The following SETD2 variants were observed in gnomAD, a reference collection of about 807,000 sequenced individuals.
SETD2 encodes the protein histone-lysine N-methyltransferase SETD2.
A neutral mutation model predicts 242.1 loss-of-function variants in SETD2; 31 were observed. The observed-to-expected ratio is 0.13, with a 90% CI of 0.10 to 0.17. The LOEUF (loss-of-function observed/expected upper bound fraction) is 0.17, where lower values mean the gene tolerates loss of function less well. Among genes scored for constraint, SETD2 ranks in the 10% least tolerant of loss-of-function variants. SETD2 has a pLI of 1.00. For synonymous variants in SETD2, 1,006 were observed against 1,066.5 expected (o/e 0.94, Z 1.11); for missense variants, 2,481 against 3,046.3 (o/e 0.81, Z 4.37).
chr3:47,020,383 G>A (rs1295653945), intron 18 of SETD2, among the ~76,000 whole-genome samples: 1 of 152,148 alleles, frequency 6.6e-6, no homozygotes, highest in African/African-American at 2.4e-5. Flanking sequence ...GAAGTATCAC[G>A]ATATTGACGG....
intron 9 of SETD2, among the ~76,000 whole-genome samples, chr3:47,095,592 A>G (rs1269413704): frequency 6.6e-6 from 1 of 152,204 alleles, no homozygotes; most frequent in Non-Finnish European, 1.5e-5. Context: ...GAAGAAAGCT[A>G]ACAGACTAGG....
At chr3:47,069,006 A>G (rs1405357454) in intron 12 of SETD2, among the ~76,000 whole-genome samples, 4 of 140,642 alleles carry the variant, frequency 2.8e-5, no homozygotes, top group East Asian at 2.2e-4. Context: ...TGTTGGCCAG[A>G]CTGGTCTCGA....
intron 1 of SETD2, among the ~76,000 whole-genome samples, chr3:47,146,543 G>A (rs7626161): frequency 1.3e-5 from 2 of 149,898 alleles, no homozygotes; most frequent in African/African-American, 2.5e-5. Context: ...CAGGAGAATC[G>A]CTTGAATCCA....
In SETD2 at chr3:47,120,178, T is replaced by G; in HGVS notation, c.4454+4A>C. On this transcript the variant is annotated splice_donor_region_variant and intron_variant, in intron 3 of 20. Transcript: ENST00000409792. ...TTTGTCAAACAAGTATTAATTAGAC[T>G]TACCTTTCTGTTAAATAAACATTTT... The G allele has an allele frequency of 6.6e-7, 1 of 1,521,124 alleles. No homozygotes were observed. Among genetic ancestry groups the G allele is most frequent in the East Asian group, 2.3e-5 (1 of 44,126 alleles). The allele number at this position is 1,521,124 out of a possible 1,614,324, so 94.2% of individuals were successfully genotyped here. A position where few individuals can be genotyped will look rare whatever the true frequency, so the allele number is the denominator to read the frequency against.
At chr3:47,142,857 T>G (rs1253858674) in intron 1 of SETD2, among the ~76,000 whole-genome samples, 1 of 152,062 alleles carries the variant, frequency 6.6e-6, no homozygotes, top group Non-Finnish European at 1.5e-5. Context: ...TTAGCAGAGA[T>G]GGGGTTTCAC....
rs2039345942 is a variant in SETD2, at chr3:47,042,838, G to A, written c.7099-138C>T. On this transcript the variant is annotated intron_variant, in intron 16 of 20. Coordinates refer to ENST00000409792, the MANE Select transcript of SETD2 (RefSeq NM_014159.7). ...AAAGGATAAAGGAAAGGTACAGTCT[G>A]GGAAATAAGGGACAGTATATATAAA... 4 of 761,984 alleles carry A rather than the reference G, an allele frequency of 5.2e-6. No individual in the cohort carries two copies. In the East Asian group the frequency reaches 7.9e-5, roughly 15 times the overall value. The allele number at this position is 761,984 out of a possible 1,614,324, so 47.2% of individuals were successfully genotyped here. A position where few individuals can be genotyped will look rare whatever the true frequency, so the allele number is the denominator to read the frequency against.
Position 47,056,838 on chromosome 3 carries a change from T to C in SETD2, c.6946A>G (p.Thr2316Ala), listed in dbSNP as rs771957568. Residue 2316 changes from threonine (T) to alanine (A), a missense_variant, in exon 15 of 21, where the codon ACT (threonine) becomes GCT (alanine). Physicochemically the swap from Thr to Ala is moderately conservative, Grantham distance 58. Coordinates refer to ENST00000409792, the MANE Select transcript of SETD2 (RefSeq NM_014159.7). ...YGVTSPYSQT[T>A]PPIVQSYAQP... ...TTAGTTACCTGTACAATTGGTGGAG[T>C]TGTCTGTGAATAAGGTGATGTCACA... 6.2e-6 allele frequency: 10 copies of C among 1,612,496 alleles called. No homozygotes were observed. The highest frequency in any genetic ancestry group is 6.8e-6 in the Non-Finnish European group (8 of 1,178,788).
intron 3 of SETD2, among the ~76,000 whole-genome samples, chr3:47,117,131 C>G (rs2042885811): frequency 6.6e-6 from 1 of 152,092 alleles, no homozygotes; most frequent in South Asian, 2.1e-4. Context: ...TCCCAAAGTG[C>G]TGCAATCGCA....
intron 15 of SETD2, among the ~76,000 whole-genome samples, chr3:47,050,610 T>C (rs1468555992): frequency 6.6e-6 from 1 of 151,034 alleles, no homozygotes; most frequent in African/African-American, 2.4e-5. Context: ...GCTCTACCAC[T>C]AAGTATATAT....
chr3:47,043,863 C>A (rs933177572), intron 16 of SETD2, among the ~76,000 whole-genome samples: 1 of 152,076 alleles, frequency 6.6e-6, no homozygotes, highest in Admixed American at 6.6e-5. Flanking sequence ...TATTCCAAAC[C>A]ATTTATCTCT....
intron 12 of SETD2, among the ~76,000 whole-genome samples, chr3:47,068,087 C>T (rs1022417640): frequency 3.3e-5 from 5 of 152,156 alleles, no homozygotes; most frequent in Admixed American, 2.6e-4. Context: ...CACCGTCCAT[C>T]GAGTAACTAT....
At chr3:47,136,890 G>C (rs2043600160) in intron 1 of SETD2, among the ~76,000 whole-genome samples, 1 of 152,094 alleles carries the variant, frequency 6.6e-6, no homozygotes, top group Non-Finnish European at 1.5e-5. Context: ...GGAGGCAGAG[G>C]TTGCAGTGTG....
Position 47,084,385 on chromosome 3 carries a change from G to T in SETD2, c.5398-3C>A. On this transcript the variant is annotated splice_region_variant and splice_polypyrimidine_tract_variant and intron_variant, in intron 11 of 20. Transcript: ENST00000409792. Reference sequence around the variant, plus strand: ...AAGTGTTCCAAAGTCTTTATAATCTGATTAAACATAAAAAAAAATTACATC... The same window carrying T: ...AAGTGTTCCAAAGTCTTTATAATCTTATTAAACATAAAAAAAAATTACATC... The T allele has an allele frequency of 6.3e-7, 1 of 1,576,176 alleles. No homozygotes were observed.
chr3:47,044,215 C>T (rs1015724869), intron 16 of SETD2, among the ~76,000 whole-genome samples: 1 of 151,150 alleles, frequency 6.6e-6, no homozygotes, highest in Non-Finnish European at 1.5e-5. Flanking sequence ...TGGTGGTGTG[C>T]ACTTGTAATC....
At chr3:47,127,908 G>A (rs1032692852) in intron 1 of SETD2, among the ~76,000 whole-genome samples, 2 of 152,088 alleles carry the variant, frequency 1.3e-5, no homozygotes, top group Admixed American at 1.3e-4. Context: ...GATTGCTTGA[G>A]CCTGGGAGAC....
chr3:47,132,133 T>TC (rs1401117009), intron 1 of SETD2, among the ~76,000 whole-genome samples: 2 of 143,082 alleles, frequency 1.4e-5, no homozygotes, highest in African/African-American at 5.2e-5. Flanking sequence ...ACACATATCT[T>TC]TTTTTTTTTT....
At chr3:47,053,566 A>G (rs764612704) in intron 15 of SETD2, among the ~76,000 whole-genome samples, 18 of 152,164 alleles carry the variant, frequency 1.2e-4, no homozygotes, top group Non-Finnish European at 2.5e-4. Context: ...AAAATCAGTC[A>G]CCTCTGATAA....
intron 1 of SETD2, among the ~76,000 whole-genome samples, chr3:47,147,802 A>G (rs575669873): frequency 6.7e-6 from 1 of 150,106 alleles, no homozygotes; most frequent in East Asian, 2.1e-4. Flanking sequence ...GGGCGCCTGT[A>G]GTCCCAGCTA....
chr3:47,070,737 A>T (rs2040784179), intron 12 of SETD2, among the ~76,000 whole-genome samples: 2 of 152,214 alleles, frequency 1.3e-5, no homozygotes, highest in Admixed American at 1.3e-4. Flanking sequence ...CACTCAAGAG[A>T]CTGGCATACT....
Sources: allele counts gnomAD v4.1 joint callset (sites outside exome capture counted in the v4.1 genomes callset), GRCh38; gene constraint gnomAD v4.1.1; transcripts MANE v1.5; gene names NCBI Gene and HGNC (gene_info 2026-07-23, HGNC 2026-07-21).